The following TNS1 variants were observed in gnomAD, a reference collection of about 807,000 sequenced individuals.
TNS1 encodes the protein tensin 1.
A neutral mutation model predicts 168.6 loss-of-function variants in TNS1; 62 were observed. The ratio of observed to expected loss-of-function variants is 0.37; its 90% confidence interval spans 0.30 to 0.45. TNS1 has a LOEUF of 0.45. Among genes scored for constraint, TNS1 ranks in the 20% least tolerant of loss-of-function variants. The probability of loss-of-function intolerance (pLI) is 1.00; values close to 1 mark genes in which losing one functional copy is unlikely to be tolerated. For missense variants in TNS1, 2,240 were observed against 2,339.4 expected, an observed-to-expected ratio of 0.96 and a Z score of 0.88; for synonymous variants, 934 against 933.2, an observed-to-expected ratio of 1.00 and a Z score of -0.02.
Position 217,818,708 on chromosome 2 carries a change from C to T in TNS1, c.3624G>A (p.Arg1208=). 1 of 1,614,090 alleles carries T rather than the reference C, an allele frequency of 6.2e-7. No individual in the cohort carries two copies. The highest frequency in any genetic ancestry group is 8.5e-7 in the Non-Finnish European group (1 of 1,180,020). Residue 1208 remains arginine (R), a synonymous_variant, in exon 24 of 33, where the codon CGG becomes CGA. Transcript: ENST00000682258. ...ACTCCAACAGAGGCTGGGTGGGCGT[C>T]CGGGGACCCTGGTCACTGCTCTCTC... ...PSGESSDQGP[R]TPTQPLLESG... is the part of the protein sequence containing the mutation.
chr2:217,828,113 C>T lies in TNS1; in HGVS notation c.3373+3342G>A, dbSNP rs1210953477. 2.0e-5 allele frequency among the ~76,000 whole-genome samples: 3 copies of T among 152,246 alleles called. 1 individual carries two copies. The highest frequency in any genetic ancestry group is 6.5e-5 in the Admixed American group (1 of 15,290). ...CTCCTGCCTTGCCAGGACCAGCAGT[C>T]AGCCTCCAGCTTGGGAGAAAGCCCT... On this transcript the variant is annotated intron_variant, in intron 22 of 32. Coordinates refer to ENST00000682258, the MANE Select transcript of TNS1 (RefSeq NM_001387777.1).
At chr2:217,862,933 C>T (rs1216886771) in intron 18 of TNS1, among the ~76,000 whole-genome samples, 1 of 152,232 alleles carries the variant, frequency 6.6e-6, no homozygotes, top group Non-Finnish European at 1.5e-5. Context: ...CCCCCATTCC[C>T]TCCAGACCAT....
chr2:217,840,810 C>T (rs1945848320), intron 19 of TNS1, among the ~76,000 whole-genome samples: 1 of 152,218 alleles, frequency 6.6e-6, no homozygotes, highest in Non-Finnish European at 1.5e-5. Context: ...ATTGCAAAGG[C>T]CTGCATCTCC....
At chr2:217,870,069 G>A (rs915073519) in intron 18 of TNS1, among the ~76,000 whole-genome samples, 7 of 151,804 alleles carry the variant, frequency 4.6e-5, no homozygotes, top group East Asian at 1.9e-4. Flanking sequence ...TTTGAACAAC[G>A]TTGTTATGCC....
In TNS1 at chr2:217,848,338, G is replaced by C. The variant is rs1021797385; in HGVS notation, c.2179C>G (p.Gln727Glu). ...GCATAGTGGGAGGTGGTCACTGGCT[G>C]TGGCCAGGCTGGGTGGGGCCCCTCC... ...QREGPHPAWP[Q>E]PVTTSHYAHD... Residue 727 changes from glutamine (Q) to glutamate (E), a missense_variant, in exon 19 of 33, where the codon CAG (glutamine) becomes GAG (glutamate). Gln to Glu is a conservative substitution (Grantham distance 29, BLOSUM62 2). This residue lies in a region of TNS1 where 2,131 missense variants were observed against 2,171.2 expected (regional missense o/e 0.98). Coordinates refer to ENST00000682258, the MANE Select transcript of TNS1 (RefSeq NM_001387777.1). 10 of 1,538,714 alleles carry C rather than the reference G, an allele frequency of 6.5e-6. No individual in the cohort carries two copies. The highest frequency in any genetic ancestry group is 8.8e-6 in the Non-Finnish European group (10 of 1,141,090).
intron 1 of TNS1, among the ~76,000 whole-genome samples, chr2:217,999,013 G>A (rs535217616): frequency 6.6e-6 from 1 of 152,142 alleles, no homozygotes; most frequent in South Asian, 2.1e-4. Flanking sequence ...AGCTGCGTGG[G>A]GGGTGTGGTT....
intron 18 of TNS1, among the ~76,000 whole-genome samples, chr2:217,853,451 G>A (rs1947772797): frequency 6.6e-6 from 1 of 152,160 alleles, no homozygotes; most frequent in Non-Finnish European, 1.5e-5. Flanking sequence ...TGGGGGCTGT[G>A]GGCATTGTCA....
intron 18 of TNS1, among the ~76,000 whole-genome samples, chr2:217,875,027 G>T (rs543474084): frequency 2.6e-4 from 39 of 152,274 alleles, no homozygotes; most frequent in African/African-American, 7.5e-4. Context: ...GCTAGGCATG[G>T]GTGTTTGGCT....
At chr2:217,953,733 C>T (rs555934580) in intron 3 of TNS1, among the ~76,000 whole-genome samples, 2 of 152,194 alleles carry the variant, frequency 1.3e-5, no homozygotes, top group East Asian at 3.9e-4. Context: ...CTAGGAGGAC[C>T]GAGGGAGGGG....
chr2:218,001,465 T>G (rs978683868), intron 1 of TNS1, among the ~76,000 whole-genome samples: 2 of 152,084 alleles, frequency 1.3e-5, no homozygotes, highest in Non-Finnish European at 2.9e-5. Context: ...TCGTCACCCC[T>G]GGAGGTCTAC....
intron 24 of TNS1, among the ~76,000 whole-genome samples, chr2:217,817,157 CAT>C (rs1942022869): frequency 6.6e-6 from 1 of 152,256 alleles, no homozygotes; most frequent in Non-Finnish European, 1.5e-5. Context: ...GATATGGACA[CAT>C]GATAAAGACA....
chr2:218,010,901 A>G (rs1171678623), upstream of TNS1, among the ~76,000 whole-genome samples: 1 of 152,110 alleles, frequency 6.6e-6, no homozygotes, highest in Non-Finnish European at 1.5e-5. Context: ...TCTGTGCACA[A>G]TCTGGACCAG....
intron 3 of TNS1, among the ~76,000 whole-genome samples, chr2:217,958,029 A>ACAC (rs1559387618): frequency 6.6e-6 from 1 of 151,738 alleles, no homozygotes; most frequent in Non-Finnish European, 1.5e-5. Flanking sequence ...ACACACACAC[A>ACAC]AAAGGAGGAG....
At chr2:217,838,064 T>G (rs188052207) in intron 19 of TNS1, among the ~76,000 whole-genome samples, 1 of 152,290 alleles carries the variant, frequency 6.6e-6, no homozygotes, top group Non-Finnish European at 1.5e-5. Context: ...AGAAGCCCAT[T>G]TGGGAGACGC....
At chr2:217,936,539 G>T (rs1956617779) in intron 3 of TNS1, among the ~76,000 whole-genome samples, 1 of 152,130 alleles carries the variant, frequency 6.6e-6, no homozygotes, top group African/African-American at 2.4e-5. Context: ...TGAGGAATTT[G>T]AACATAGGAT....
At chr2:217,805,565 C>T (rs1230638721) in intron 32 of TNS1, among the ~76,000 whole-genome samples, 8 of 89,548 alleles carry the variant, frequency 8.9e-5, no homozygotes, top group Non-Finnish European at 1.2e-4. Flanking sequence ...ACACACACCA[C>T]CACACACACC....
rs189799955 is a variant in TNS1, at chr2:217,847,804, G to A, written c.2713C>T (p.Pro905Ser). The A allele has an allele frequency of 4.1e-5, 66 of 1,602,220 alleles. No individual in the cohort carries two copies. Among genetic ancestry groups the A allele is most frequent in the Non-Finnish European group, 5.5e-5 (64 of 1,170,266 alleles). Residue 905 changes from proline to serine, a missense_variant, in exon 19 of 33, where the codon CCA becomes TCA. Physicochemically the swap from Pro to Ser is moderately conservative, Grantham distance 74. Transcript: ENST00000682258. Reference protein sequence around the residue: ...GHSLGTPEPAPRASLESVPPG... With the variant: ...GHSLGTPEPASRASLESVPPG... Reference sequence around the variant, plus strand: ...GGGACAGACTCCAGAGAGGCCCGTGGGGCTGGCTCAGGGGTTCCCAACGAA... The same window carrying A: ...GGGACAGACTCCAGAGAGGCCCGTGAGGCTGGCTCAGGGGTTCCCAACGAA...
chr2:217,838,855 T>A (rs992418482), intron 19 of TNS1, among the ~76,000 whole-genome samples: 3 of 152,144 alleles, frequency 2.0e-5, no homozygotes, highest in African/African-American at 7.2e-5. Flanking sequence ...ACCAGTGTCA[T>A]GGAGAGAACA....
chr2:217,937,256 A>C, intron 3 of TNS1: 1 of 349,744 alleles, frequency 2.9e-6, no homozygotes, highest in South Asian at 2.2e-5. Context: ...CTTAACTGGC[A>C]TAGGGTGGAT....
Sources: allele counts gnomAD v4.1 joint callset (sites outside exome capture counted in the v4.1 genomes callset), GRCh38; gene constraint gnomAD v4.1.1; regional missense constraint gnomAD v4.1.1; transcripts MANE v1.5; gene names NCBI Gene and HGNC (gene_info 2026-07-23, HGNC 2026-07-21).